Variants in ZNF649 observed in about 807,000 individuals in gnomAD.
The protein encoded by ZNF649 is zinc finger protein 649.
ZNF649 carries 7 observed loss-of-function variants against 14.1 expected under a neutral mutation model. The observed-to-expected ratio is 0.49, with a 90% CI of 0.28 to 0.93. The LOEUF is 0.93. Among genes scored for constraint, ZNF649 ranks in the 40% least tolerant of loss-of-function variants. The pLI, the probability that ZNF649 is intolerant of heterozygous loss-of-function variation, is 0.10. For missense variants in ZNF649, 544 were observed against 608.1 expected, an observed-to-expected ratio of 0.89 and a Z score of 1.11; for synonymous variants, 227 against 212.3, an observed-to-expected ratio of 1.07 and a Z score of -0.60.
At chr19:51,895,876 C>T (rs1175828687) in intron 4 of ZNF649, among the ~76,000 whole-genome samples, 1 of 152,156 alleles carries the variant, frequency 6.6e-6, no homozygotes, top group African/African-American at 2.4e-5. Context: ...GTCTTGGGAA[C>T]CCCTACTTTA....
At chr19:51,892,331 G>A (rs1033518965) in intron 4 of ZNF649, among the ~76,000 whole-genome samples, 11 of 149,080 alleles carry the variant, frequency 7.4e-5, no homozygotes, top group African/African-American at 2.5e-4. Flanking sequence ...AGCCAAGATC[G>A]CTCCACTGCA....
intron 4 of ZNF649, among the ~76,000 whole-genome samples, chr19:51,894,657 T>G (rs927428889): frequency 6.6e-6 from 1 of 152,258 alleles, no homozygotes; most frequent in African/African-American, 2.4e-5. Context: ...TGTATAGCCC[T>G]GAATTGTAAC....
In ZNF649 at chr19:51,891,505, A is replaced by C. The variant is rs752651823; in HGVS notation, c.631T>G (p.Cys211Gly). ...TGKKPHVCSL[C>G]GKAFYKKYRL... is the part of the protein sequence containing the mutation. ...TACTTCTTGTAGAAGGCTTTCCCAC[A>C]CAAGCTACACACGTGGGGTTTCTTT... is the stretch of plus-strand genomic sequence containing the variant. Residue 211 changes from cysteine to glycine, a missense_variant, in exon 5 of 5, where the codon TGT (cysteine) becomes GGT (glycine). Transcript: ENST00000354957. The surrounding 1 kb of genome is among the most constrained non-coding windows in gnomAD (Gnocchi z 4.2). The C allele has an allele frequency of 6.2e-7, 1 of 1,614,230 alleles. No homozygotes were observed. Among genetic ancestry groups the C allele is most frequent in the Non-Finnish European group, 8.5e-7 (1 of 1,180,034 alleles).
Position 51,891,940 on chromosome 19 carries a change from A to G in ZNF649, c.239-43T>C. Reference sequence around the variant, plus strand: ...AAATCCTTCCATGATCATCACACGGAATAAAACTGCTTCAAAGATGCCTTG... The same window carrying G: ...AAATCCTTCCATGATCATCACACGGGATAAAACTGCTTCAAAGATGCCTTG... On this transcript the variant is annotated intron_variant, in intron 4 of 4. Transcript: ENST00000354957. The surrounding 1 kb of genome is among the most constrained non-coding windows in gnomAD (Gnocchi z 4.2). 3 of 1,507,734 alleles carry G rather than the reference A, an allele frequency of 2.0e-6. No individual in the cohort carries two copies. Among genetic ancestry groups the G allele is most frequent in the Non-Finnish European group, 2.6e-6 (3 of 1,134,592 alleles). The allele number at this position is 1,507,734 out of a possible 1,614,324, so 93.4% of individuals were successfully genotyped here. A position where few individuals can be genotyped will look rare whatever the true frequency, so the allele number is the denominator to read the frequency against.
In ZNF649 at chr19:51,896,658, T is replaced by C. The variant is rs1009811252; in HGVS notation, c.143-91A>G. ...AGAAAGGTACATGTTAGGGACTGCA[T>C]AATTTGCATGTTAGCAAATTAAAGG... On this transcript the variant is annotated intron_variant, in intron 3 of 4. Coordinates refer to ENST00000354957, the MANE Select transcript of ZNF649 (RefSeq NM_023074.4). 9.8e-6 allele frequency: 15 copies of C among 1,538,202 alleles called. No homozygotes were observed. In the African/African-American group the frequency reaches 1.2e-4, roughly 13 times the overall value.
Position 51,889,237 on chromosome 19 carries a change from C to G in ZNF649, c.*1381G>C, listed in dbSNP as rs2084998087. On this transcript the variant is annotated 3_prime_UTR_variant, in exon 5 of 5. Transcript: ENST00000354957. ...GGTCACAGGAAATAGAGATATACTA[C>G]TGTAAGATTATTTTATTATACAGTA... 1 of 152,126 alleles carries G rather than the reference C, an allele frequency of 6.6e-6. No individual in the cohort carries two copies. The highest frequency in any genetic ancestry group is 2.1e-4 in the South Asian group (1 of 4,830). The allele number at this position is 152,126 out of a possible 1,614,324, so 9.4% of individuals were successfully genotyped here. A position where few individuals can be genotyped will look rare whatever the true frequency, so the allele number is the denominator to read the frequency against.
chr19:51,896,543 G>A lies in ZNF649; in HGVS notation c.167C>T (p.Ala56Val), dbSNP rs1276434134. ...SVGYQAGKPD[A>V]LTKLEQGEPL... ...TTCTCCTTGTTCCAACTTGGTGAGG[G>A]CATCAGGTTTGCCGGCTTGATACCC... is the stretch of plus-strand genomic sequence containing the variant. Residue 56 changes from alanine (A) to valine (V), a missense_variant, in exon 4 of 5, where the codon GCC (alanine) becomes GTC (valine). Physicochemically the swap from Ala to Val is moderately conservative, Grantham distance 64 (BLOSUM62 0). Coordinates refer to ENST00000354957, the MANE Select transcript of ZNF649 (RefSeq NM_023074.4). 3.1e-6 allele frequency: 5 copies of A among 1,614,034 alleles called. No individual in the cohort carries two copies. The highest frequency in any genetic ancestry group is 1.3e-5 in the African/African-American group (1 of 74,902).
rs776845310 is a variant in ZNF649 at position 51,890,696 on chromosome 19, C to T, written c.1440G>A (p.Gln480=). Reference sequence around the variant, plus strand: ...TTACCATATTAACAGGGCTTTTCCCCTGCACATGTTCACTAGGACTTAAGC... The same window carrying T: ...TTACCATATTAACAGGGCTTTTCCCTTGCACATGTTCACTAGGACTTAAGC... ...SHSLSPSEHV[Q]GKSPVNMVTV... The change falls in exon 5 of 5, where the codon CAG becomes CAA. Residue 480 remains glutamine (Q), a synonymous_variant. Coordinates refer to ENST00000354957, the MANE Select transcript of ZNF649 (RefSeq NM_023074.4). The T allele has an allele frequency of 9.0e-5, 146 of 1,614,122 alleles. No homozygotes were observed. The highest frequency in any genetic ancestry group is 1.2e-4 in the Non-Finnish European group (137 of 1,180,056).
chr19:51,895,414 G>C (rs1356189672), intron 4 of ZNF649, among the ~76,000 whole-genome samples: 1 of 152,080 alleles, frequency 6.6e-6, no homozygotes, highest in Non-Finnish European at 1.5e-5. Flanking sequence ...CGCGATCTCA[G>C]CTCACTGCAA....
At chr19:51,899,106 T>C (rs561625965) in intron 2 of ZNF649, among the ~76,000 whole-genome samples, 1 of 152,118 alleles carries the variant, frequency 6.6e-6, no homozygotes, top group Admixed American at 6.5e-5. Flanking sequence ...TGAAAGGCAC[T>C]GGTTATGAAG....
chr19:51,891,823 A>T lies in ZNF649; in HGVS notation c.313T>A (p.Tyr105Asn), dbSNP rs750124498. 4 of 1,611,318 alleles carry T rather than the reference A, an allele frequency of 2.5e-6. No homozygotes were observed. In the South Asian group the frequency reaches 4.4e-5, roughly 18 times the overall value. The part of the protein sequence containing the change: ...QKILKRTGQR[Y>N]EHGRTLKSYL... ...GATTTCAAAGTTCTTCCGTGTTCAT[A>T]GCGTTGTCCCGTCCTCTTCAGTATT... is the stretch of plus-strand genomic sequence containing the variant. Residue 105 changes from tyrosine to asparagine, a missense_variant, in exon 5 of 5, where the codon TAT becomes AAT. Transcript: ENST00000354957. This position sits in a 1 kb window ranked among gnomAD's most constrained non-coding sequence, Gnocchi z 4.2.
At position 51,896,564 on chromosome 19, in the gene ZNF649, T is replaced by C. The variant is rs779030352; in HGVS notation, c.146A>G (p.Tyr49Cys). ...ENYSNLVSVGYQAGKPDALTK... is the reference protein window; with the variant it reads ...ENYSNLVSVGCQAGKPDALTK... ...GAGGGCATCAGGTTTGCCGGCTTGA[T>C]ACCCTGTTTGTGGGAAATGGGAGAA... The change falls in exon 4 of 5, where the codon TAT becomes TGT. Residue 49 changes from tyrosine to cysteine, a missense_variant. Transcript: ENST00000354957. 227 of 1,614,032 alleles carry C rather than the reference T, an allele frequency of 1.4e-4. No homozygotes were observed. The highest frequency in any genetic ancestry group is 1.9e-4 in the Non-Finnish European group (221 of 1,179,988).
Position 51,889,725 on chromosome 19 carries a change from T to C in ZNF649, c.*893A>G, listed in dbSNP as rs2085004440. The C allele has an allele frequency of 2.0e-5, 3 of 152,022 alleles. 1 individual carries two copies. The South Asian group carries it at 6.2e-4, about 32-fold the overall frequency. 9.4% of individuals were successfully genotyped at this position (152,022 alleles called of 1,614,324 possible). A position where few individuals can be genotyped will look rare whatever the true frequency, so the allele number is the denominator to read the frequency against. ...ATGTATGCTATAAAATCTCAAGGAA[T>C]CAAATGACAAGGATTTACAGTTAAT... On this transcript the variant is annotated 3_prime_UTR_variant, in exon 5 of 5. Transcript: ENST00000354957.
intron 1 of ZNF649, among the ~76,000 whole-genome samples, chr19:51,901,169 G>T (rs895145820): frequency 1.3e-5 from 2 of 152,050 alleles, no homozygotes; most frequent in Non-Finnish European, 2.9e-5. Context: ...GGTTTTTATT[G>T]GGGGCTGATC....
intron 2 of ZNF649, chr19:51,897,278 CAAAT>C (rs754490929): frequency 1.6e-5 from 4 of 242,778 alleles, no homozygotes; most frequent in African/African-American, 6.9e-5. Flanking sequence ...TTCATGTTCA[CAAAT>C]AAACTGTATT....
Position 51,891,496 on chromosome 19 carries a change from C to T in ZNF649, c.640G>A (p.Ala214Thr). The T allele has an allele frequency of 6.2e-7, 1 of 1,614,204 alleles. No homozygotes were observed. The highest frequency in any genetic ancestry group is 1.1e-5 in the South Asian group (1 of 91,086). Residue 214 changes from alanine to threonine, a missense_variant, in exon 5 of 5, where the codon GCC (alanine) becomes ACC (threonine). Coordinates refer to ENST00000354957, the MANE Select transcript of ZNF649 (RefSeq NM_023074.4). This position sits in a 1 kb window ranked among gnomAD's most constrained non-coding sequence, Gnocchi z 4.2. ...GTGAGCCTGTACTTCTTGTAGAAGG[C>T]TTTCCCACACAAGCTACACACGTGG... ...KPHVCSLCGK[A>T]FYKKYRLTEH... is the part of the protein sequence containing the mutation.
chr19:51,904,173 T>C (rs1259034371), intron 1 of ZNF649: 1 of 152,222 alleles, frequency 6.6e-6, no homozygotes, highest in Non-Finnish European at 1.5e-5. Context: ...GAGGCACCCC[T>C]GGAGTCTCTG....
intron 2 of ZNF649, among the ~76,000 whole-genome samples, chr19:51,899,305 ATT>A (rs1485493925): frequency 6.6e-6 from 1 of 152,174 alleles, no homozygotes; most frequent in Non-Finnish European, 1.5e-5. Context: ...AGGGCTCTGT[ATT>A]TTCTGAGACA....
rs2085016567 is a variant in ZNF649 at position 51,890,823 on chromosome 19, G to A, written c.1313C>T (p.Ala438Val). 2 of 1,614,092 alleles carry A rather than the reference G, an allele frequency of 1.2e-6. No individual in the cohort carries two copies. Among genetic ancestry groups the A allele is most frequent in the Non-Finnish European group, 8.5e-7 (1 of 1,180,040 alleles). The change falls in exon 5 of 5, where the codon GCT (alanine) becomes GTT (valine). Residue 438 changes from alanine (A) to valine (V), a missense_variant. By Grantham distance (64) the Ala-to-Val change is moderately conservative. Transcript: ENST00000354957. ...AACAAGGCAAGACATATAGAAGTAA[G>A]CTTTCTCACACTCATCACAGCCATA... ...RPYGCDECEK[A>V]YFYMSCLVKH...
Sources: allele counts gnomAD v4.1 joint callset (sites outside exome capture counted in the v4.1 genomes callset), GRCh38; gene constraint gnomAD v4.1.1; non-coding constraint Gnocchi (gnomAD v3.1); transcripts MANE v1.5; gene names NCBI Gene and HGNC (gene_info 2026-07-23, HGNC 2026-07-21).